The following FAM120B variants were observed in gnomAD, a reference collection of about 807,000 sequenced individuals.
FAM120B encodes the protein family with sequence similarity 120 member B.
FAM120B carries 83 observed loss-of-function variants against 96.3 expected under a neutral mutation model. The observed-to-expected ratio is 0.86, with a 90% CI of 0.72 to 1.03. The LOEUF (loss-of-function observed/expected upper bound fraction) is 1.03. Among genes scored for constraint, FAM120B ranks in the 50% least tolerant of loss-of-function variants. FAM120B has a pLI of 0.00. For missense variants in FAM120B, 1,027 were observed against 1,121.2 expected, an observed-to-expected ratio of 0.92 and a Z score of 1.20; for synonymous variants, 407 against 402.7, an observed-to-expected ratio of 1.01 and a Z score of -0.13.
chr6:170,365,773 T>TC lies in FAM120B; in HGVS notation c.2283+7460dup, dbSNP rs1247183892. On this transcript the variant is annotated intron_variant, in intron 6 of 10. Transcript: ENST00000476287. ...AGGGCTCGGCCCCTGACACCCCGCC[T>TC]CCCCCACAGGCTGCCTGGAGCAGGG... 1.6e-4 allele frequency among the ~76,000 whole-genome samples: 8 copies of TC among 50,662 alleles called. No homozygotes were observed. The East Asian group carries it at 4.7e-3, about 30-fold the overall frequency. 33.2% of individuals were successfully genotyped at this position (50,662 alleles called of 152,430 possible).
Position 170,318,860 on chromosome 6 carries a change from C to A in FAM120B, c.1470C>A (p.Asp490Glu), listed in dbSNP as rs1475323512. Reference sequence around the variant, plus strand: ...GGCAAGAAGTTTTAATACGGACAGACCCTGAATCTAGGCAAGAAATTATGT... The same window carrying A: ...GGCAAGAAGTTTTAATACGGACAGAACCTGAATCTAGGCAAGAAATTATGT... ...ESRQEVLIRT[D>E]PESRQEIMCT... is the part of the protein sequence containing the mutation. The change falls in exon 2 of 11, where the codon GAC becomes GAA. Residue 490 changes from aspartate (D) to glutamate (E), a missense_variant. Asp to Glu is a conservative substitution (Grantham distance 45). Around this residue, in one of 3 missense-constraint regions of FAM120B, gnomAD observed 880 missense variants for 980.9 expected, o/e 0.90. Coordinates refer to ENST00000476287, the MANE Select transcript of FAM120B (RefSeq NM_032448.3). 1.2e-6 allele frequency: 2 copies of A among 1,614,156 alleles called. No homozygotes were observed. Among genetic ancestry groups the A allele is most frequent in the Admixed American group, 1.7e-5 (1 of 60,034 alleles).
In FAM120B at chr6:170,375,189, T is replaced by G. The variant is rs773834548; in HGVS notation, c.2284-13098T>G. Among the ~76,000 whole-genome samples, 5 of 152,386 alleles carry G rather than the reference T, an allele frequency of 3.3e-5. No individual in the cohort carries two copies. In the South Asian group the frequency reaches 1.0e-3, roughly 32 times the overall value. ...GTCCAATCTGTGGTTGTTGCTGTAA[T>G]CAGTGTGTCAGCACAGAGTTCCGCA... On this transcript the variant is annotated intron_variant, in intron 6 of 10. Transcript: ENST00000476287.
At chr6:170,368,909 A>C (rs1788990790) in intron 6 of FAM120B, among the ~76,000 whole-genome samples, 1 of 150,014 alleles carries the variant, frequency 6.7e-6, no homozygotes, top group Non-Finnish European at 1.5e-5. Context: ...TCCTGAGGGC[A>C]CTCACCTGCT....
At chr6:170,348,762 T>A (rs1175229689) in intron 5 of FAM120B, among the ~76,000 whole-genome samples, 1 of 152,228 alleles carries the variant, frequency 6.6e-6, no homozygotes, top group Non-Finnish European at 1.5e-5. Context: ...AGCTTTTTCC[T>A]ATGTCAGTTT....
intron 3 of FAM120B, among the ~76,000 whole-genome samples, chr6:170,327,644 G>A (rs1785687611): frequency 6.6e-6 from 1 of 151,976 alleles, no homozygotes; most frequent in East Asian, 1.9e-4. Context: ...CTGCTCCGGT[G>A]AGTCCATGAG....
rs1386449320 is a variant in FAM120B, at chr6:170,318,003, A to G, written c.613A>G (p.Met205Val). ...ELCLESLDTV[M>V]LCREKLCESL... ...CTGCCTAGAGAGCCTGGACACCGTC[A>G]TGCTCTGCAGAGAGAAGCTCTGTGA... The change falls in exon 2 of 11, where the codon ATG (methionine) becomes GTG (valine). Residue 205 changes from methionine (M) to valine (V), a missense_variant. Met to Val is a conservative substitution (Grantham distance 21). This residue lies in a region of FAM120B where 880 missense variants were observed against 980.9 expected (regional missense o/e 0.90). Coordinates refer to ENST00000476287, the MANE Select transcript of FAM120B (RefSeq NM_032448.3). 3 of 1,613,900 alleles carry G rather than the reference A, an allele frequency of 1.9e-6. No individual in the cohort carries two copies. In the South Asian group the frequency reaches 3.3e-5, roughly 18 times the overall value.
chr6:170,352,667 C>T (rs1583248611), intron 5 of FAM120B, among the ~76,000 whole-genome samples: 1 of 152,056 alleles, frequency 6.6e-6, no homozygotes, highest in Non-Finnish European at 1.5e-5. Flanking sequence ...ACAACCTGCC[C>T]CTGAATGACT....
intron 4 of FAM120B, among the ~76,000 whole-genome samples, chr6:170,333,818 G>C (rs1436276367): frequency 6.6e-6 from 1 of 152,174 alleles, no homozygotes; most frequent in African/African-American, 2.4e-5. Flanking sequence ...GCATGTGGGA[G>C]CATGTATATA....
At chr6:170,292,716 C>G (rs1783914631), upstream of FAM120B, among the ~76,000 whole-genome samples, 1 of 152,250 alleles carries the variant, frequency 6.6e-6, no homozygotes, top group African/African-American at 2.4e-5. This position sits in a 1 kb window ranked among gnomAD's most constrained non-coding sequence, Gnocchi z 6.6. Context: ...CCTCCGGCTG[C>G]TACGCAGCTG....
intron 4 of FAM120B, among the ~76,000 whole-genome samples, chr6:170,335,233 G>C (rs1217651745): frequency 2.0e-5 from 3 of 150,974 alleles, no homozygotes; most frequent in Non-Finnish European, 4.4e-5. Flanking sequence ...ACAGGACCCA[G>C]TGTGTGATGT....
At chr6:170,313,151 A>G (rs965943115) in intron 1 of FAM120B, among the ~76,000 whole-genome samples, 5 of 152,166 alleles carry the variant, frequency 3.3e-5, no homozygotes, top group African/African-American at 1.2e-4. Flanking sequence ...ACCCTTATTT[A>G]TTCACCTGGT....
chr6:170,355,719 CTT>C (rs1351445613), intron 5 of FAM120B, among the ~76,000 whole-genome samples: 1 of 152,112 alleles, frequency 6.6e-6, no homozygotes, highest in Non-Finnish European at 1.5e-5. Flanking sequence ...TACCCCCAAA[CTT>C]AAACTTTGGA....
At position 170,348,131 on chromosome 6, in the gene FAM120B, G is replaced by C. The variant is rs201565954; in HGVS notation, c.2018-20G>C. 76 of 1,605,854 alleles carry C rather than the reference G, an allele frequency of 4.7e-5. No homozygotes were observed. Among genetic ancestry groups the C allele is most frequent in the Non-Finnish European group, 6.0e-5 (70 of 1,175,020 alleles). ...TGTGCTGCAAAGAACAATAGTTAATGGACTTTTTTTCTTAACTAGGGGGAA... is the reference window on the plus strand; with the variant it reads ...TGTGCTGCAAAGAACAATAGTTAATCGACTTTTTTTCTTAACTAGGGGGAA... On this transcript the variant is annotated intron_variant, in intron 4 of 10. Coordinates refer to ENST00000476287, the MANE Select transcript of FAM120B (RefSeq NM_032448.3).
intron 4 of FAM120B, among the ~76,000 whole-genome samples, chr6:170,336,247 G>A (rs976384601): frequency 6.6e-6 from 1 of 152,170 alleles, no homozygotes; most frequent in African/African-American, 2.4e-5. Flanking sequence ...AAGGGGTCCA[G>A]CTTCTGTTTT....
intron 9 of FAM120B, among the ~76,000 whole-genome samples, chr6:170,401,970 C>T (rs924228405): frequency 6.6e-6 from 1 of 152,236 alleles, no homozygotes; most frequent in Non-Finnish European, 1.5e-5. Context: ...CCCCAAGAGG[C>T]ACTCTCTCTT....
At chr6:170,382,402 C>T (rs2345134) in intron 6 of FAM120B, among the ~76,000 whole-genome samples, 44,713 of 151,950 alleles carry the variant, frequency 0.29, 8,902 homozygotes, top group East Asian at 0.87. Context: ...AGACCCTGTC[C>T]TTAAAAAACA....
chr6:170,372,447 G>C (rs905560843), intron 6 of FAM120B, among the ~76,000 whole-genome samples: 1 of 152,026 alleles, frequency 6.6e-6, no homozygotes, highest in Non-Finnish European at 1.5e-5. Flanking sequence ...ATTCAGCCTT[G>C]CCTGGCTGTG....
intron 4 of FAM120B, among the ~76,000 whole-genome samples, chr6:170,335,964 T>A (rs530772652): frequency 6.6e-6 from 1 of 152,208 alleles, no homozygotes; most frequent in Non-Finnish European, 1.5e-5. Flanking sequence ...GTCAGAAGGA[T>A]AGATTGCAAA....
At chr6:170,400,559 C>T (rs979352690) in intron 9 of FAM120B, among the ~76,000 whole-genome samples, 6 of 152,176 alleles carry the variant, frequency 3.9e-5, no homozygotes, top group African/African-American at 1.4e-4. Context: ...GACCACTGGG[C>T]TGCTCCCTGG....
Sources: gnomAD v4.1 joint callset for allele counts (sites outside exome capture counted in the v4.1 genomes callset) on GRCh38, gnomAD v4.1.1 for gene constraint, gnomAD v4.1.1 regional missense constraint, Gnocchi (gnomAD v3.1) non-coding constraint, MANE v1.5 for transcripts, NCBI Gene and HGNC (gene_info 2026-07-23, HGNC 2026-07-21) for gene names.